The following PARP1 variants were observed in gnomAD, a reference collection of about 807,000 sequenced individuals.
The protein encoded by PARP1 is poly(ADP-ribose) polymerase 1.
A neutral mutation model predicts 118.7 loss-of-function variants in PARP1; 44 were observed. The ratio of observed to expected loss-of-function variants is 0.37; its 90% CI spans 0.29 to 0.48. The LOEUF (loss-of-function observed/expected upper bound fraction) is 0.48, where lower values mean the gene tolerates loss of function less well. Ranked by LOEUF, PARP1 falls within the 20% of genes least tolerant of loss-of-function variation. The probability of loss-of-function intolerance (pLI) is 0.99; values close to 1 mark genes in which losing one functional copy is unlikely to be tolerated. For synonymous variants in PARP1, 492 were observed against 483.2 expected, an observed-to-expected ratio of 1.02 and a Z score of -0.24; for missense variants, 1,100 against 1,272.4, an observed-to-expected ratio of 0.86 and a Z score of 2.06.
At chr1:226,370,549 T>C (rs769902780) in intron 14 of PARP1, 32 bp from the exon 15 acceptor site, 1 of 1,557,030 alleles carries the variant, frequency 6.4e-7, no homozygotes, top group Non-Finnish European at 8.9e-7. Context: ...CTCTGAAAGC[T>C]GGGCACTGTG....
chr1:226,361,845 CATGGGA>C, intron 22 of PARP1, 118 bp downstream of exon 22: 1 of 729,202 alleles, frequency 1.4e-6, no homozygotes, highest in Non-Finnish European at 2.5e-6. Flanking sequence ...AAACAGTCAC[CATGGGA>C]CACACTACAG....
chr1:226,373,605 C>T (rs1664435845), intron 14 of PARP1, among the ~76,000 whole-genome samples: 1 of 152,202 alleles, frequency 6.6e-6, no homozygotes, highest in South Asian at 2.1e-4. Flanking sequence ...CTGCCCTGGA[C>T]AGAAGCATGA....
At chr1:226,391,000 CTTTTTT>C (rs33944799) in intron 3 of PARP1, among the ~76,000 whole-genome samples, 2 of 130,212 alleles carry the variant, frequency 1.5e-5, no homozygotes, top group Non-Finnish European at 1.6e-5. Flanking sequence ...CAATGCAGCA[CTTTTTT>C]TTTTTTTTTT....
chr1:226,385,429 G>C, intron 7 of PARP1, 75 bp downstream of exon 7: 1 of 1,279,070 alleles, frequency 7.8e-7, no homozygotes. Flanking sequence ...TCAGGGACCT[G>C]AAGTATAAAC....
chr1:226,405,125 T>C (rs1250943271), intron 1 of PARP1, among the ~76,000 whole-genome samples: 1 of 152,204 alleles, frequency 6.6e-6, no homozygotes, highest in Non-Finnish European at 1.5e-5. Flanking sequence ...TGAAAAGGCT[T>C]CTTTCTTTTT....
At chr1:226,362,743 T>C (rs574968627) in intron 21 of PARP1, among the ~76,000 whole-genome samples, 1 of 152,218 alleles carries the variant, frequency 6.6e-6, no homozygotes, top group Non-Finnish European at 1.5e-5. Context: ...CCCGTGCATC[T>C]GGTTACTGGT....
chr1:226,370,102 C>T (rs1483768570), intron 15 of PARP1, among the ~76,000 whole-genome samples: 3 of 151,784 alleles, frequency 2.0e-5, no homozygotes, highest in Non-Finnish European at 4.4e-5. Flanking sequence ...TTTTAGTAAC[C>T]CCGAGGGAGT....
At chr1:226,366,335 T>C in intron 17 of PARP1, 1 of 401,340 alleles carries the variant, frequency 2.5e-6, no homozygotes, top group Non-Finnish European at 4.7e-6. Context: ...AGCTAGAATG[T>C]GGGATTCACT....
intron 5 of PARP1, among the ~76,000 whole-genome samples, chr1:226,387,007 GA>G (rs1664728859): frequency 1.3e-5 from 2 of 152,140 alleles, no homozygotes; most frequent in Non-Finnish European, 2.9e-5. Context: ...CTTTGAGATG[GA>G]GTCTCACTCT....
intron 8 of PARP1, among the ~76,000 whole-genome samples, chr1:226,381,875 A>C (rs1664616866): frequency 6.6e-6 from 1 of 152,186 alleles, no homozygotes; most frequent in African/African-American, 2.4e-5. Context: ...GAGGGCAAAC[A>C]ACTAGGAAAC....
At chr1:226,397,572 G>A (rs1031467500) in intron 2 of PARP1, among the ~76,000 whole-genome samples, 9 of 152,134 alleles carry the variant, frequency 5.9e-5, no homozygotes, top group Non-Finnish European at 1.3e-4. Flanking sequence ...CTGGATCACC[G>A]GGACAGATTT....
At chr1:226,392,993 T>C in intron 2 of PARP1, 1 of 1,532,484 alleles carries the variant, frequency 6.5e-7, no homozygotes, top group Non-Finnish European at 8.7e-7. Flanking sequence ...AGTAAGTGCA[T>C]TAAGGAAAGA....
At chr1:226,407,162 T>G (rs1357669565) in intron 1 of PARP1, among the ~76,000 whole-genome samples, 1 of 152,102 alleles carries the variant, frequency 6.6e-6, no homozygotes, top group Non-Finnish European at 1.5e-5. Flanking sequence ...GAGCCACTCT[T>G]ACTCAAACCA....
intron 8 of PARP1, among the ~76,000 whole-genome samples, chr1:226,381,536 G>C (rs1267556153): frequency 6.7e-6 from 1 of 150,058 alleles, no homozygotes; most frequent in Non-Finnish European, 1.5e-5. Context: ...GAGGGACCAG[G>C]AGGCTGGAGT....
intron 14 of PARP1, 182 bp from the exon 15 acceptor site, chr1:226,370,699 G>T (rs1015726953): frequency 3.0e-6 from 2 of 657,330 alleles, no homozygotes; most frequent in Non-Finnish European, 5.6e-6. Context: ...ATGAGGGATG[G>T]CAGTGTGTCT....
At chr1:226,384,411 C>A (rs1413361839) in intron 7 of PARP1, among the ~76,000 whole-genome samples, 3 of 152,254 alleles carry the variant, frequency 2.0e-5, no homozygotes, top group African/African-American at 7.2e-5. Context: ...AGTGTCACTG[C>A]CTGGGCAGCA....
intron 1 of PARP1, among the ~76,000 whole-genome samples, chr1:226,405,901 A>G (rs1000264664): frequency 1.3e-5 from 2 of 152,334 alleles, no homozygotes; most frequent in South Asian, 4.1e-4. Context: ...GGATCGCTTG[A>G]GCTCAGGAGT....
chr1:226,392,389 T>C (rs1014189231), intron 2 of PARP1, 75 bp from the exon 3 acceptor site: 15 of 999,374 alleles, frequency 1.5e-5, no homozygotes, highest in Non-Finnish European at 2.3e-5. Context: ...CGTCCTCTTC[T>C]ACCTCCCCAG....
intron 12 of PARP1, 33 bp downstream of exon 12, chr1:226,379,109 T>A (rs1558236958): frequency 6.2e-7 from 1 of 1,613,782 alleles, no homozygotes; most frequent in Non-Finnish European, 8.5e-7. Flanking sequence ...GGCCCATGTC[T>A]CTGCACAACC....
Sources: gnomAD v4.1 joint callset for allele counts (sites outside exome capture counted in the v4.1 genomes callset) on GRCh38, gnomAD v4.1.1 for gene constraint, MANE v1.5 for transcripts, NCBI Gene and HGNC (gene_info 2026-07-23, HGNC 2026-07-21) for gene names.